PSD3: variants seen among roughly 807,000 people sequenced by gnomAD.
The protein encoded by PSD3 is PH and SEC7 domain-containing protein 3.
In PSD3, 49 loss-of-function variants were observed where a neutral mutation model predicts 105.5. The ratio of observed to expected loss-of-function variants is 0.46; its 90% CI spans 0.37 to 0.59. The LOEUF is 0.59. Ranked by LOEUF, PSD3 falls within the 20% of genes least tolerant of loss-of-function variation. The probability of loss-of-function intolerance (pLI) is 0.00; values close to 1 mark genes in which losing one functional copy is unlikely to be tolerated. For missense variants in PSD3, 1,561 were observed against 1,263.8 expected (o/e 1.24, Z -3.57); for synonymous variants, 557 against 457.8 (o/e 1.22, Z -2.77).
intron 15 of PSD3, among the ~76,000 whole-genome samples, chr8:18,556,003 T>C (rs1241256373): frequency 6.6e-6 from 1 of 152,190 alleles, no homozygotes; most frequent in Admixed American, 6.5e-5. Context: ...GTGTATAAAC[T>C]GGCAGGTTAC....
intron 11 of PSD3, among the ~76,000 whole-genome samples, chr8:18,622,331 T>C (rs958938339): frequency 6.6e-6 from 1 of 152,218 alleles, no homozygotes; most frequent in Admixed American, 6.5e-5. Flanking sequence ...AAAAAACCTT[T>C]TGAAACAAAT....
intron 11 of PSD3, among the ~76,000 whole-genome samples, chr8:18,620,772 A>C (rs538779071): frequency 6.6e-6 from 1 of 152,314 alleles, no homozygotes; most frequent in Non-Finnish European, 1.5e-5. Flanking sequence ...ATTAGTGATA[A>C]CATCTTTTGC....
chr8:18,796,093 G>A (rs1405735519), intron 8 of PSD3, among the ~76,000 whole-genome samples: 1 of 152,112 alleles, frequency 6.6e-6, no homozygotes, highest in East Asian at 1.9e-4. Context: ...TTGCAGACAA[G>A]TAAAAACAAG....
intron 13 of PSD3, among the ~76,000 whole-genome samples, chr8:18,573,954 C>G (rs1421257264): frequency 1.3e-5 from 2 of 152,062 alleles, no homozygotes; most frequent in Non-Finnish European, 2.9e-5. Flanking sequence ...TAAAGCATAC[C>G]TCAATAAGAC....
At chr8:18,583,889 G>A (rs942353016) in intron 12 of PSD3, among the ~76,000 whole-genome samples, 4 of 152,030 alleles carry the variant, frequency 2.6e-5, no homozygotes, top group African/African-American at 7.2e-5. Context: ...TCTAGAAGAC[G>A]GGCAAAGTCC....
At chr8:18,553,058 C>T (rs550422394) in intron 15 of PSD3, among the ~76,000 whole-genome samples, 1 of 151,784 alleles carries the variant, frequency 6.6e-6, no homozygotes, top group South Asian at 2.1e-4. Flanking sequence ...CACCATGAAG[C>T]ACTGTTTGTA....
chr8:18,699,927 T>C (rs1302862359), intron 9 of PSD3, among the ~76,000 whole-genome samples: 1 of 152,072 alleles, frequency 6.6e-6, no homozygotes, highest in Non-Finnish European at 1.5e-5. Context: ...CTTTCTTTAC[T>C]AAGCCCATTG....
intron 11 of PSD3, among the ~76,000 whole-genome samples, chr8:18,604,012 A>G (rs949844681): frequency 1.3e-5 from 2 of 152,208 alleles, no homozygotes; most frequent in Non-Finnish European, 2.9e-5. Flanking sequence ...ATGGACCAAT[A>G]CAGAAAATTG....
intron 11 of PSD3, among the ~76,000 whole-genome samples, chr8:18,601,584 G>A (rs942929849): frequency 2.4e-4 from 37 of 152,126 alleles, no homozygotes; most frequent in Non-Finnish European, 4.9e-4. Flanking sequence ...CACCTGGCAA[G>A]AAAGGATTCA....
At position 19,047,690 on chromosome 8, in the gene PSD3, A is replaced by G. The variant is rs118190547; in HGVS notation, c.324+36516T>C. 1.7e-4 allele frequency among the ~76,000 whole-genome samples: 26 copies of G among 152,234 alleles called. 1 individual carries two copies. The East Asian group carries it at 5.0e-3, about 29-fold the overall frequency. On this transcript the variant is annotated intron_variant, in intron 1 of 1. Transcript: ENST00000521475. Reference sequence around the variant, plus strand: ...CACCTTATGTCATACCTGGCACAACACGGGCACTCAGTAGGGATGTGTTGA... The same window carrying G: ...CACCTTATGTCATACCTGGCACAACGCGGGCACTCAGTAGGGATGTGTTGA...
At chr8:19,034,754 C>T (rs1413930267) in intron 1 of PSD3, among the ~76,000 whole-genome samples, 1 of 152,162 alleles carries the variant, frequency 6.6e-6, no homozygotes, top group Non-Finnish European at 1.5e-5. Context: ...CACGCTGAAT[C>T]ACACTTGCCT....
At chr8:18,767,077 G>C (rs763141094) in intron 8 of PSD3, among the ~76,000 whole-genome samples, 3 of 152,194 alleles carry the variant, frequency 2.0e-5, no homozygotes, top group African/African-American at 4.8e-5. Context: ...CACAGCCTCT[G>C]TTCGCAAAAC....
chr8:18,888,123 G>C (rs372195611), intron 2 of PSD3, among the ~76,000 whole-genome samples: 1 of 152,096 alleles, frequency 6.6e-6, no homozygotes, highest in East Asian at 1.9e-4. Context: ...GAAGTCTAAA[G>C]AAAGAATATA....
chr8:18,574,688 T>C (rs890895060), intron 13 of PSD3, among the ~76,000 whole-genome samples: 3 of 152,326 alleles, frequency 2.0e-5, no homozygotes, highest in Admixed American at 2.0e-4. Context: ...TACACACTTA[T>C]CTCACTGACT....
At chr8:18,937,202 T>C (rs1428905502) in intron 1 of PSD3, among the ~76,000 whole-genome samples, 1 of 152,158 alleles carries the variant, frequency 6.6e-6, no homozygotes, top group African/African-American at 2.4e-5. Context: ...GGAAAAAAAT[T>C]TCAAGACACA....
chr8:18,542,963 T>G (rs1011274640), intron 15 of PSD3, among the ~76,000 whole-genome samples: 2 of 152,228 alleles, frequency 1.3e-5, no homozygotes, highest in African/African-American at 4.8e-5. Flanking sequence ...TCCTTAGGAA[T>G]GCTCCAACAG....
intron 9 of PSD3, chr8:18,733,458 C>T (rs1382785587): frequency 2.0e-5 from 3 of 152,686 alleles, no homozygotes; most frequent in African/African-American, 7.2e-5. Context: ...CTCTTGAAAT[C>T]CTGACTCTTT....
rs185012015 is a variant in PSD3 at position 18,764,047 on chromosome 8, C to T, written c.2172+1402G>A. Among the ~76,000 whole-genome samples, 15 of 152,274 alleles carry T rather than the reference C, an allele frequency of 9.9e-5. No homozygotes were observed. In the East Asian group the frequency reaches 2.5e-3, roughly 25 times the overall value. ...CTCTGGACTGTATATTAACCATACA[C>T]GGTTTCATACAGCTCCGCCAAACAT... On this transcript the variant is annotated intron_variant, in intron 9 of 15. Coordinates refer to ENST00000327040, the MANE Select transcript of PSD3 (RefSeq NM_015310.4).
At chr8:18,672,206 T>C (rs1189193659) in intron 9 of PSD3, among the ~76,000 whole-genome samples, 3 of 152,126 alleles carry the variant, frequency 2.0e-5, no homozygotes, top group African/African-American at 4.8e-5. Context: ...CTTGTAAATA[T>C]ATGCAATATT....
Sources: gnomAD v4.1 joint callset for allele counts (sites outside exome capture counted in the v4.1 genomes callset) on GRCh38, gnomAD v4.1.1 for gene constraint, MANE v1.5 for transcripts, NCBI Gene and HGNC (gene_info 2026-07-23, HGNC 2026-07-21) for gene names.